The following WNK2 variants were observed in gnomAD, a reference collection of about 807,000 sequenced individuals.
WNK2 encodes WNK lysine deficient protein kinase 2.
Under a neutral mutation model 192.1 loss-of-function variants are expected in WNK2, and 67 were observed. The observed-to-expected ratio is 0.35, with a 90% CI of 0.29 to 0.43. The LOEUF is 0.43. Among genes scored for constraint, WNK2 ranks in the 20% least tolerant of loss-of-function variants. WNK2 has a pLI of 1.00. For synonymous variants in WNK2, 1,439 were observed against 1,393.9 expected, an observed-to-expected ratio of 1.03 and a Z score of -0.72; for missense variants, 2,698 against 3,089.7, an observed-to-expected ratio of 0.87 and a Z score of 3.01.
intron 14 of WNK2, 72 bp downstream of exon 14, chr9:93,262,791 T>C: frequency 6.5e-7 from 1 of 1,537,236 alleles, no homozygotes; most frequent in East Asian, 2.3e-5. Flanking sequence ...TCAGCCTGGC[T>C]CCTGCTGCTG....
intron 2 of WNK2, among the ~76,000 whole-genome samples, chr9:93,225,256 C>G (rs1345199838): frequency 6.6e-6 from 1 of 152,062 alleles, no homozygotes; most frequent in Non-Finnish European, 1.5e-5. Flanking sequence ...AATTAGCCAG[C>G]GTGGTAGCAT....
chr9:93,240,437 G>C (rs895760820), intron 7 of WNK2, among the ~76,000 whole-genome samples: 1 of 152,178 alleles, frequency 6.6e-6, no homozygotes, highest in Non-Finnish European at 1.5e-5. Context: ...ACCTAGAAAG[G>C]CGGGTTGGGG....
chr9:93,209,644 T>G (rs1284653909), intron 2 of WNK2, among the ~76,000 whole-genome samples: 1 of 152,160 alleles, frequency 6.6e-6, no homozygotes, highest in Admixed American at 6.5e-5. Context: ...AGGGCTGTGC[T>G]TGGGTGGAAG....
At chr9:93,268,220 G>A (rs550312112) in intron 18 of WNK2, among the ~76,000 whole-genome samples, 155 bp downstream of exon 18, 98 of 152,322 alleles carry the variant, frequency 6.4e-4, no homozygotes, top group African/African-American at 2.2e-3. Context: ...TGTCCGAGGA[G>A]CTGTCACCTG....
rs1249736830 is a variant in WNK2 at position 93,185,141 on chromosome 9, T to A, written c.212T>A (p.Leu71Gln). ...CCGGGCCCGCAGCCCCCGCAGCCCC[T>A]GCAGCGCCGGGTGCTTCTGCTCTGC... ...EAPGPQPPQP[L>Q]QRRVLLLCKT... Residue 71 changes from leucine (L) to glutamine (Q), a missense_variant, in exon 2 of 30, where the codon CTG becomes CAG. Leu to Gln is a moderately radical substitution (Grantham distance 113). Transcript: ENST00000427277. 1.5e-6 allele frequency: 2 copies of A among 1,300,010 alleles called. No homozygotes were observed. The highest frequency in any genetic ancestry group is 3.6e-5 in the East Asian group (1 of 28,112). The allele number at this position is 1,300,010 out of a possible 1,614,324, so 80.5% of individuals were successfully genotyped here.
intron 5 of WNK2, 113 bp downstream of exon 5, chr9:93,235,078 C>A: frequency 7.5e-7 from 1 of 1,338,944 alleles, no homozygotes; most frequent in Non-Finnish European, 1.0e-6. Context: ...GTGTAAGGAG[C>A]TTGGCCATTT....
intron 4 of WNK2, 41 bp from the exon 5 acceptor site, chr9:93,234,767 C>G: frequency 8.2e-6 from 13 of 1,593,116 alleles, no homozygotes; most frequent in Non-Finnish European, 1.0e-5. Context: ...TTCCTGGGCC[C>G]GTGGCCAGCT....
chr9:93,276,248 T>C (rs1230398330), intron 19 of WNK2, among the ~76,000 whole-genome samples: 6 of 152,204 alleles, frequency 3.9e-5, no homozygotes, highest in African/African-American at 1.4e-4. Flanking sequence ...AAGGGATTGG[T>C]ACACACATCG....
intron 19 of WNK2, among the ~76,000 whole-genome samples, chr9:93,277,585 T>G (rs1365735088): frequency 3.3e-5 from 5 of 152,178 alleles, no homozygotes; most frequent in Admixed American, 3.3e-4. Flanking sequence ...GAAGCCAATC[T>G]CAAAAGGCTT....
chr9:93,311,049 A>G (rs1853559986), intron 28 of WNK2, among the ~76,000 whole-genome samples: 1 of 152,152 alleles, frequency 6.6e-6, no homozygotes, highest in Non-Finnish European at 1.5e-5. Context: ...TGTACCCATT[A>G]AACAATAACT....
intron 2 of WNK2, among the ~76,000 whole-genome samples, chr9:93,187,854 G>A (rs1454654242): frequency 6.6e-6 from 1 of 152,104 alleles, no homozygotes; most frequent in African/African-American, 2.4e-5. Context: ...GGGCTGCAGG[G>A]AGATCAGGGG....
chr9:93,238,368 A>T (rs1489597468), intron 6 of WNK2, 47 bp downstream of exon 6: 1 of 1,552,272 alleles, frequency 6.4e-7, no homozygotes, highest in Admixed American at 1.7e-5. Context: ...CTCCAGCTGA[A>T]CTCATTCCAG....
rs1854047877 is a variant in WNK2, at chr9:93,313,550, C to G, written c.6517-3970C>G. The stretch of plus-strand genomic sequence containing the variant: ...GACTTTTTAAATATTCTGTGTAGGA[C>G]ATTGTAGTTGAAATTGTATTTGCAA... On this transcript the variant is annotated intron_variant, in intron 28 of 29. Transcript: ENST00000427277. Among the ~76,000 whole-genome samples the G allele has an allele frequency of 2.0e-5, 3 of 151,950 alleles. No individual in the cohort carries two copies. In the South Asian group the frequency reaches 6.2e-4, roughly 32 times the overall value.
chr9:93,251,326 C>T (rs1370565185), intron 8 of WNK2, among the ~76,000 whole-genome samples: 2 of 151,160 alleles, frequency 1.3e-5, no homozygotes, highest in Non-Finnish European at 2.9e-5. Flanking sequence ...ACTATGTTGG[C>T]CAGGCTGGTC....
intron 2 of WNK2, among the ~76,000 whole-genome samples, chr9:93,196,652 C>G (rs1304398040): frequency 6.6e-6 from 1 of 152,194 alleles, no homozygotes; most frequent in Non-Finnish European, 1.5e-5. Context: ...CAGGGATTCT[C>G]TGGTCTCCTT....
chr9:93,215,322 C>G (rs1032066085), intron 2 of WNK2, among the ~76,000 whole-genome samples: 3 of 152,060 alleles, frequency 2.0e-5, no homozygotes, highest in Non-Finnish European at 4.4e-5. Context: ...GTTGGCCAGG[C>G]TGGTCTCGAA....
intron 2 of WNK2, among the ~76,000 whole-genome samples, chr9:93,198,421 CCT>C (rs1167567539): frequency 6.6e-6 from 1 of 152,240 alleles, no homozygotes; most frequent in African/African-American, 2.4e-5. Context: ...GGGTGGGGCC[CCT>C]CCTCAGGCCT....
chr9:93,305,660 G>A (rs1043376715), intron 26 of WNK2, among the ~76,000 whole-genome samples: 4 of 152,226 alleles, frequency 2.6e-5, no homozygotes, highest in South Asian at 2.1e-4. Flanking sequence ...GGAGCTGGAC[G>A]ACAAGTTGCC....
chr9:93,292,439 G>T (rs558214589), intron 22 of WNK2, 43 bp downstream of exon 22: 2 of 1,613,752 alleles, frequency 1.2e-6, no homozygotes, highest in Admixed American at 3.3e-5. Flanking sequence ...GGCAGGGTTT[G>T]CTCTGTGCTG....
Sources: allele counts gnomAD v4.1 joint callset (sites outside exome capture counted in the v4.1 genomes callset), GRCh38; gene constraint gnomAD v4.1.1; transcripts MANE v1.5; gene names NCBI Gene and HGNC (gene_info 2026-07-23, HGNC 2026-07-21).